The following POLR3C variants were observed in gnomAD, a reference collection of about 807,000 sequenced individuals.
POLR3C encodes DNA-directed RNA polymerase III subunit RPC3.
In POLR3C, 44 loss-of-function variants were observed where a neutral mutation model predicts 65.9. The ratio of observed to expected loss-of-function variants is 0.67; its 90% CI spans 0.52 to 0.86. The LOEUF (loss-of-function observed/expected upper bound fraction) is 0.86. POLR3C is among the 40% of genes least tolerant of loss of function. The pLI, the probability that POLR3C is intolerant of heterozygous loss-of-function variation, is 0.00. For synonymous variants in POLR3C, 263 were observed against 231.6 expected (o/e 1.14, Z -1.23); for missense variants, 576 against 653.2 (o/e 0.88, Z 1.29).
At chr1:145,832,341 C>T (rs1315683056) in intron 5 of POLR3C, among the ~76,000 whole-genome samples, 3 of 151,992 alleles carry the variant, frequency 2.0e-5, no homozygotes, top group Middle Eastern at 3.2e-3. Flanking sequence ...GAAGAGAAGG[C>T]ATAGGGTTGA....
Position 145,826,486 on chromosome 1 carries a change from T to G in POLR3C, c.180T>G (p.His60Gln), listed in dbSNP as rs1181629612. The G allele has an allele frequency of 6.2e-7, 1 of 1,613,652 alleles. No individual in the cohort carries two copies. The highest frequency in any genetic ancestry group is 1.3e-5 in the African/African-American group (1 of 74,918). The change falls in exon 3 of 15, where the codon CAT becomes CAG. Residue 60 changes from histidine to glutamine, a missense_variant. Transcript: ENST00000334163. The stretch of plus-strand genomic sequence containing the variant: ...AAGCCCTGTGTGTCCTCGTCCAACA[T>G]AACCTGGTGAGTTATCAAGTGCACA... ...VKKALCVLVQ[H>Q]NLVSYQVHKR...
Position 145,842,323 on chromosome 1 carries a change from T to C in POLR3C, c.1524-16T>C. 6.4e-7 allele frequency: 1 copy of C among 1,556,282 alleles called. No homozygotes were observed. The stretch of plus-strand genomic sequence containing the variant: ...TGAACATTCAGTCTAGGCAAATGCC[T>C]TTACTTTTCACTCAGGTTGGATGCC... On this transcript the variant is annotated splice_polypyrimidine_tract_variant and intron_variant, in intron 14 of 14. Transcript: ENST00000334163.
At chr1:145,837,630 T>TA in intron 10 of POLR3C, 34 bp downstream of exon 10, 1 of 1,335,350 alleles carries the variant, frequency 7.5e-7, no homozygotes, top group Non-Finnish European at 1.1e-6. Context: ...TGGGATCACA[T>TA]ACTTCCTATC....
In POLR3C at chr1:145,840,955, C is replaced by T. The variant is rs781851133; in HGVS notation, c.1407C>T (p.Ala469=). ...TAGAAAAATCTCAGAGGGTAGAAGC[C>T]ATCATTGCATCTATGCAGGCTACTG... ...RLLEKSQRVE[A]IIASMQATGA... is the part of the protein sequence containing the mutation. The change falls in exon 14 of 15, where the codon GCC becomes GCT. Residue 469 remains alanine, a synonymous_variant. Coordinates refer to ENST00000334163, the MANE Select transcript of POLR3C (RefSeq NM_006468.8). The T allele has an allele frequency of 1.7e-5, 27 of 1,612,684 alleles. No homozygotes were observed. The highest frequency in any genetic ancestry group is 2.1e-5 in the Non-Finnish European group (25 of 1,178,700).
At position 145,841,004 on chromosome 1, in the gene POLR3C, GA is replaced by G; in HGVS notation, c.1459del (p.Ile487Ter). On this transcript the variant is annotated frameshift_variant, in exon 14 of 15. Coordinates refer to ENST00000334163, the MANE Select transcript of POLR3C (RefSeq NM_006468.8). LOFTEE classifies it high-confidence loss of function. ...TGGTGCAGAGGAAGCACAGTTACAA[GA>G]AATAGAGGAGATGATCACAGCTCCT... Reference protein sequence around the residue: ...ATGAEEAQLQEIEEMITAPER... With the variant: ...ATGAEEAQLQXIEEMITAPER... The G allele has an allele frequency of 6.2e-7, 1 of 1,613,516 alleles. No individual in the cohort carries two copies. The highest frequency in any genetic ancestry group is 8.5e-7 in the Non-Finnish European group (1 of 1,179,420).
chr1:145,839,964 C>T lies in POLR3C; in HGVS notation c.1296C>T (p.Ala432=). 1.2e-6 allele frequency: 2 copies of T among 1,610,854 alleles called. No homozygotes were observed. The highest frequency in any genetic ancestry group is 1.7e-6 in the Non-Finnish European group (2 of 1,177,082). Residue 432 remains alanine (A), a synonymous_variant, in exon 12 of 15, where the codon GCC becomes GCT. Transcript: ENST00000334163. Reference sequence around the variant, plus strand: ...ATACTGTGAACATCCTGTCAGCTGCCCGAATGTTGTTGCACAGGTGCTACA... The same window carrying T: ...ATACTGTGAACATCCTGTCAGCTGCTCGAATGTTGTTGCACAGGTGCTACA... ...YLYTVNILSA[A]RMLLHRCYKS...
Position 145,836,653 on chromosome 1 carries a change from C to A in POLR3C, c.957+79C>A. 3.0e-6 allele frequency: 3 copies of A among 985,812 alleles called. No individual in the cohort carries two copies. In the South Asian group the frequency reaches 3.8e-5, roughly 13 times the overall value. The allele number at this position is 985,812 out of a possible 1,614,324, so 61.1% of individuals were successfully genotyped here. On this transcript the variant is annotated intron_variant, in intron 8 of 14. Coordinates refer to ENST00000334163, the MANE Select transcript of POLR3C (RefSeq NM_006468.8). The stretch of plus-strand genomic sequence containing the variant: ...TTATTTCTGCACTGATACCTAGTGT[C>A]ATCCTCCTGCAGAGTTATTCTCTAC...
chr1:145,826,528 G>A lies in POLR3C; in HGVS notation c.222G>A (p.Glu74=), dbSNP rs781992691. Residue 74 remains glutamate (E), a synonymous_variant, in exon 3 of 15, where the codon GAG becomes GAA. Coordinates refer to ENST00000334163, the MANE Select transcript of POLR3C (RefSeq NM_006468.8). ...AAGTGCACAAACGTGGTGTGGTGGAGTATGAAGCCCAGTGCAGCCGGGTAT... is the reference window on the plus strand; with the variant it reads ...AAGTGCACAAACGTGGTGTGGTGGAATATGAAGCCCAGTGCAGCCGGGTAT... The part of the protein sequence containing the change: ...SYQVHKRGVV[E]YEAQCSRVLR... 1.2e-6 allele frequency: 2 copies of A among 1,613,796 alleles called. No individual in the cohort carries two copies. Among genetic ancestry groups the A allele is most frequent in the African/African-American group, 2.7e-5 (2 of 74,928 alleles).
intron 5 of POLR3C, among the ~76,000 whole-genome samples, chr1:145,830,381 G>A (rs1651203360): frequency 6.6e-6 from 1 of 152,056 alleles, no homozygotes; most frequent in Non-Finnish European, 1.5e-5. Context: ...CTGAAATAAG[G>A]TAATGATAGG....
rs1553727494 is a variant in POLR3C at position 145,832,736 on chromosome 1, G to C, written c.679-524G>C. Among the ~76,000 whole-genome samples, 3 of 152,076 alleles carry C rather than the reference G, an allele frequency of 2.0e-5. No homozygotes were observed. In the South Asian group the frequency reaches 6.2e-4, roughly 32 times the overall value. On this transcript the variant is annotated intron_variant, in intron 5 of 14. Coordinates refer to ENST00000334163, the MANE Select transcript of POLR3C (RefSeq NM_006468.8). ...TAATGGAGAAGAGTTAAAATAGAGA[G>C]AGAAAGGCCGGATGTGGTGGCTCAC...
Position 145,842,654 on chromosome 1 carries a change from T to C in POLR3C, c.*234T>C. 4 of 585,938 alleles carry C rather than the reference T, an allele frequency of 6.8e-6. No homozygotes were observed. Among genetic ancestry groups the C allele is most frequent in the Non-Finnish European group, 1.2e-5 (4 of 329,324 alleles). 36.3% of individuals were successfully genotyped at this position (585,938 alleles called of 1,614,324 possible). A position where few individuals can be genotyped will look rare whatever the true frequency, so the allele number is the denominator to read the frequency against. ...AAGAACCTTAAATCAACAAGGTTAATCATCTATCAGATGCATCTGTTCCCA... is the reference window on the plus strand; with the variant it reads ...AAGAACCTTAAATCAACAAGGTTAACCATCTATCAGATGCATCTGTTCCCA... On this transcript the variant is annotated 3_prime_UTR_variant, in exon 15 of 15. Transcript: ENST00000334163.
At chr1:145,834,712 A>G (rs1328195906) in intron 7 of POLR3C, among the ~76,000 whole-genome samples, 1 of 152,158 alleles carries the variant, frequency 6.6e-6, no homozygotes, top group Non-Finnish European at 1.5e-5. Context: ...AACAGCTATG[A>G]CATCACAAAG....
chr1:145,824,508 T>C, intron 1 of POLR3C, 139 bp downstream of exon 1: 2 of 1,287,584 alleles, frequency 1.6e-6, no homozygotes, highest in South Asian at 1.2e-5. Context: ...GCAAAGGATC[T>C]GGGAATGCTT....
At position 145,840,105 on chromosome 1, in the gene POLR3C, T is replaced by C; in HGVS notation, c.1324-11T>C. On this transcript the variant is annotated splice_polypyrimidine_tract_variant and intron_variant, in intron 12 of 14. Transcript: ENST00000334163. The stretch of plus-strand genomic sequence containing the variant: ...CTATGTGCATTCCTTGTCTGTCTTC[T>C]CTTTCCTCAGAGCATAGCCAACTTG... The C allele has an allele frequency of 6.2e-7, 1 of 1,604,228 alleles. No homozygotes were observed. Among genetic ancestry groups the C allele is most frequent in the Non-Finnish European group, 8.5e-7 (1 of 1,170,962 alleles).
chr1:145,835,144 CAA>C (rs56819606), intron 7 of POLR3C, among the ~76,000 whole-genome samples: 18 of 47,282 alleles, frequency 3.8e-4, no homozygotes, highest in Admixed American at 7.4e-4. Flanking sequence ...AACCCTATTT[CAA>C]AAAAAAAAAA....
intron 4 of POLR3C, 54 bp from the exon 5 acceptor site, chr1:145,828,695 A>T: frequency 8.1e-7 from 1 of 1,232,306 alleles, no homozygotes; most frequent in Non-Finnish European, 1.2e-6. Flanking sequence ...ATGTTTGGTC[A>T]TTTCCTGTCA....
intron 13 of POLR3C, 95 bp downstream of exon 13, chr1:145,840,260 C>A: frequency 1.2e-6 from 1 of 812,408 alleles, no homozygotes. Context: ...AGACGCTGGG[C>A]CTGGCAGGGT....
chr1:145,827,555 C>T (rs782090233), intron 4 of POLR3C, among the ~76,000 whole-genome samples: 4 of 151,536 alleles, frequency 2.6e-5, no homozygotes, highest in Admixed American at 6.6e-5. Flanking sequence ...GTCAGGAGAT[C>T]GAGACCATCC....
chr1:145,842,882 A>G lies in POLR3C; in HGVS notation c.*462A>G, dbSNP rs781999279. ...GGCTGGGGTGTAATAGCGCAATCAC[A>G]GCTCCCTACAGCCTTGACCTCCTGA... On this transcript the variant is annotated 3_prime_UTR_variant, in exon 15 of 15. Coordinates refer to ENST00000334163, the MANE Select transcript of POLR3C (RefSeq NM_006468.8). 1.3e-5 allele frequency among the ~76,000 whole-genome samples: 2 copies of G among 150,866 alleles called. No individual in the cohort carries two copies. Among genetic ancestry groups the G allele is most frequent in the African/African-American group, 2.5e-5 (1 of 40,260 alleles).
Sources: allele counts gnomAD v4.1 joint callset (sites outside exome capture counted in the v4.1 genomes callset), GRCh38; gene constraint gnomAD v4.1.1; transcripts MANE v1.5; gene names NCBI Gene and HGNC (gene_info 2026-07-23, HGNC 2026-07-21).